Variants in C8orf74 observed in about 807,000 individuals in gnomAD.
C8orf74 encodes chromosome 8 open reading frame 74, also known as uncharacterized protein C8orf74.
A neutral mutation model predicts 22.2 loss-of-function variants in C8orf74; 29 were observed. That is an observed-to-expected ratio of 1.31 (90% CI 0.97 to 1.78). The LOEUF is 1.78. C8orf74 is among the 40% of genes most tolerant of loss of function. The pLI is 0.00. For synonymous variants in C8orf74, 255 were observed against 163.1 expected (o/e 1.56, Z -4.30); for missense variants, 515 against 369.9 (o/e 1.39, Z -3.22).
intron 2 of C8orf74, among the ~76,000 whole-genome samples, chr8:10,693,515 A>T (rs2129058495): frequency 6.6e-6 from 1 of 152,290 alleles, no homozygotes; most frequent in East Asian, 1.9e-4. Flanking sequence ...CTCCACCTTG[A>T]CATATTAGAG....
intron 2 of C8orf74, 108 bp downstream of exon 2, chr8:10,674,946 C>G (rs578192898): frequency 2.4e-6 from 2 of 846,958 alleles, no homozygotes; most frequent in Admixed American, 2.9e-5. Context: ...GAGCCAGGGC[C>G]CCTTCCTGCC....
chr8:10,674,617 C>A (rs890554641), intron 1 of C8orf74, 29 bp from the exon 2 acceptor site: 7 of 1,564,312 alleles, frequency 4.5e-6, no homozygotes, highest in Non-Finnish European at 6.1e-6. Context: ...CCACATCATA[C>A]CCTGCAGTTC....
chr8:10,698,598 A>G (rs1446909751), intron 3 of C8orf74, among the ~76,000 whole-genome samples: 2 of 152,062 alleles, frequency 1.3e-5, no homozygotes, highest in Admixed American at 1.3e-4. Context: ...AGCATTTCCC[A>G]TGACCAGCTC....
chr8:10,697,931 G>GGAGGCCGAGGCACAGA lies in C8orf74; in HGVS notation c.574_575insGAGGCCGAGGCACAGA (p.Glu192GlyfsTer133). 6.3e-7 allele frequency: 1 copy of GGAGGCCGAGGCACAGA among 1,590,234 alleles called. No individual in the cohort carries two copies. The highest frequency in any genetic ancestry group is 1.1e-5 in the South Asian group (1 of 89,402). ...GCTCCTGAAAGAGGCGCTGCGCCTG[G>GGAGGCCGAGGCACAGA]AGCGGGAGAACTCGCTGCAGAAGGC... On this transcript the variant is annotated frameshift_variant, in exon 3 of 4. Transcript: ENST00000304519. LOFTEE classifies it high-confidence loss of function.
intron 2 of C8orf74, among the ~76,000 whole-genome samples, chr8:10,694,258 A>T (rs543156688): frequency 1.3e-5 from 2 of 152,302 alleles, no homozygotes; most frequent in African/African-American, 4.8e-5. Flanking sequence ...GTGCCGAGTA[A>T]TTAATAGACA....
chr8:10,690,691 C>T (rs984413999), intron 2 of C8orf74, among the ~76,000 whole-genome samples: 4 of 152,150 alleles, frequency 2.6e-5, no homozygotes, highest in South Asian at 2.1e-4. Context: ...CATCTCCCCC[C>T]GGCTCGCCCA....
chr8:10,679,146 G>A (rs1474450036), intron 2 of C8orf74, among the ~76,000 whole-genome samples: 2 of 152,196 alleles, frequency 1.3e-5, no homozygotes, highest in East Asian at 3.9e-4. Context: ...TCACTCGTCT[G>A]TAAATGTGGG....
In C8orf74 at chr8:10,697,939, G is replaced by C. The variant is rs942523258; in HGVS notation, c.582G>C (p.Glu194Asp). The change falls in exon 3 of 4, where the codon GAG becomes GAC. Residue 194 changes from glutamate (E) to aspartate (D), a missense_variant. Physicochemically the swap from Glu to Asp is conservative, Grantham distance 45 (BLOSUM62 2). Transcript: ENST00000304519. ...LLKEALRLER[E>D]NSLQKAFAAA... Reference sequence around the variant, plus strand: ...AAGAGGCGCTGCGCCTGGAGCGGGAGAACTCGCTGCAGAAGGCGTTCGCTG... The same window carrying C: ...AAGAGGCGCTGCGCCTGGAGCGGGACAACTCGCTGCAGAAGGCGTTCGCTG... 1.3e-6 allele frequency: 2 copies of C among 1,581,526 alleles called. No homozygotes were observed. Among genetic ancestry groups the C allele is most frequent in the Non-Finnish European group, 8.6e-7 (1 of 1,164,772 alleles).
At chr8:10,692,180 A>G (rs1799395474) in intron 2 of C8orf74, 1 of 152,478 alleles carries the variant, frequency 6.6e-6, no homozygotes, top group Middle Eastern at 3.1e-3. Context: ...ACAGGAAGGG[A>G]CACAGGGCGT....
intron 2 of C8orf74, among the ~76,000 whole-genome samples, chr8:10,687,896 A>G (rs1435193688): frequency 6.6e-6 from 1 of 152,148 alleles, no homozygotes; most frequent in Admixed American, 6.5e-5. Context: ...AGAACTAGAA[A>G]GTAGAATTAA....
At chr8:10,684,626 C>G (rs1161532195) in intron 2 of C8orf74, among the ~76,000 whole-genome samples, 2 of 152,214 alleles carry the variant, frequency 1.3e-5, no homozygotes, top group East Asian at 3.8e-4. Context: ...CAAGGGGTGC[C>G]TGAAACAGGG....
intron 2 of C8orf74, among the ~76,000 whole-genome samples, chr8:10,695,046 G>A (rs1171341091): frequency 4.0e-5 from 6 of 151,892 alleles, no homozygotes; most frequent in Admixed American, 3.3e-4. Context: ...TGAATGGAAA[G>A]ATGGACAGAG....
intron 1 of C8orf74, among the ~76,000 whole-genome samples, chr8:10,673,947 C>T (rs1798969422): frequency 6.7e-6 from 1 of 150,018 alleles, no homozygotes; most frequent in Non-Finnish European, 1.5e-5. Context: ...CATATCATAC[C>T]CTCCGACCCC....
At chr8:10,687,462 C>T (rs2129057604) in intron 2 of C8orf74, among the ~76,000 whole-genome samples, 1 of 151,908 alleles carries the variant, frequency 6.6e-6, no homozygotes, top group Admixed American at 6.6e-5. Flanking sequence ...CCAGCCTGAC[C>T]AACATGGCAA....
chr8:10,700,240 G>A lies in C8orf74; in HGVS notation c.654G>A (p.Leu218=), dbSNP rs1405227703. Reference sequence around the variant, plus strand: ...GCCTTCCCCTTTCCTTCCAGGAGTTGGAGAGCCTCATCTGCCAGGCAGTCC... The same window carrying A: ...GCCTTCCCCTTTCCTTCCAGGAGTTAGAGAGCCTCATCTGCCAGGCAGTCC... ...QPGQVLERQE[L]ESLICQAVHT... Residue 218 remains leucine (L), a synonymous_variant, in exon 4 of 4, where the codon TTG becomes TTA. Transcript: ENST00000304519. 1 of 1,595,184 alleles carries A rather than the reference G, an allele frequency of 6.3e-7. No individual in the cohort carries two copies. The highest frequency in any genetic ancestry group is 8.6e-7 in the Non-Finnish European group (1 of 1,166,162).
Position 10,697,652 on chromosome 8 carries a change from C to T in C8orf74, c.295C>T (p.Arg99Trp), listed in dbSNP as rs374654553. ...CCTGGGGAACAAGCTTAGAGATTAC[C>T]GGGGCCATTTCAACACCACCCACCT... ...TILGNKLRDY[R>W]GHFNTTHLLA... The change falls in exon 3 of 4, where the codon CGG becomes TGG. Residue 99 changes from arginine to tryptophan, a missense_variant. Transcript: ENST00000304519. 6.2e-5 allele frequency: 100 copies of T among 1,613,914 alleles called. No homozygotes were observed. In the African/African-American group the frequency reaches 1.1e-3, roughly 17 times the overall value.
At chr8:10,692,370 C>T (rs1799399374) in intron 2 of C8orf74, 1 of 152,536 alleles carries the variant, frequency 6.6e-6, no homozygotes, top group South Asian at 2.1e-4. Flanking sequence ...TCCGCTCACC[C>T]CCTACCTGCT....
chr8:10,698,542 G>A (rs1799581136), intron 3 of C8orf74, among the ~76,000 whole-genome samples: 1 of 152,106 alleles, frequency 6.6e-6, no homozygotes, highest in Non-Finnish European at 1.5e-5. Flanking sequence ...CAGACTTTGG[G>A]CTGCCCTCTT....
chr8:10,680,455 C>A (rs1042733834), intron 2 of C8orf74, among the ~76,000 whole-genome samples: 3 of 152,158 alleles, frequency 2.0e-5, no homozygotes, highest in African/African-American at 7.2e-5. Flanking sequence ...CAGGATGGTC[C>A]CATATCCACA....
Sources: allele counts gnomAD v4.1 joint callset (sites outside exome capture counted in the v4.1 genomes callset), GRCh38; gene constraint gnomAD v4.1.1; transcripts MANE v1.5; gene names NCBI Gene and HGNC (gene_info 2026-07-23, HGNC 2026-07-21).